Variants in DGCR2 observed in about 807,000 individuals in gnomAD.
DGCR2 encodes integral membrane protein DGCR2/IDD.
A neutral mutation model predicts 51.6 loss-of-function variants in DGCR2; 24 were observed. The observed-to-expected ratio is 0.47, with a 90% CI of 0.34 to 0.65. The LOEUF (loss-of-function observed/expected upper bound fraction) is 0.65, where lower values mean the gene tolerates loss of function less well. Among genes scored for constraint, DGCR2 ranks in the 30% least tolerant of loss-of-function variants. The pLI, the probability that DGCR2 is intolerant of heterozygous loss-of-function variation, is 0.01. For missense variants in DGCR2, 765 were observed against 772.1 expected (o/e 0.99, Z 0.11); for synonymous variants, 340 against 315.4 (o/e 1.08, Z -0.82).
At chr22:19,074,180 C>CT (rs2082848058) in intron 2 of DGCR2, among the ~76,000 whole-genome samples, 1 of 152,074 alleles carries the variant, frequency 6.6e-6, no homozygotes, top group South Asian at 2.1e-4. Context: ...AATCCCAGAA[C>CT]TTTGGGAGAC....
intron 2 of DGCR2, among the ~76,000 whole-genome samples, chr22:19,070,944 G>A (rs2082807526): frequency 1.3e-5 from 2 of 152,228 alleles, no homozygotes; most frequent in African/African-American, 2.4e-5. Context: ...GGAGAGTCTG[G>A]GGGCCAGGCT....
rs55948025 is a variant in DGCR2 at position 19,114,062 on chromosome 22, GAAAAAAAAAA to G, written c.79+8056_79+8065del. On this transcript the variant is annotated intron_variant, in intron 1 of 9. Transcript: ENST00000263196. ...CAACAAAAGCAAGATTCCATTTGAG[GAAAAAAAAAA>G]AAAAAAAAAAAAAGAACGAGTTAAG... is the stretch of plus-strand genomic sequence containing the variant. Among the ~76,000 whole-genome samples the G allele has an allele frequency of 7.4e-5, 6 of 80,992 alleles. No individual in the cohort carries two copies. The East Asian group carries it at 1.1e-3, about 15-fold the overall frequency. 53.1% of individuals were successfully genotyped at this position (80,992 alleles called of 152,430 possible).
At chr22:19,056,322 A>G (rs1669839102) in intron 6 of DGCR2, 1 of 224,428 alleles carries the variant, frequency 4.5e-6, no homozygotes, top group Admixed American at 5.9e-5. Context: ...CCCAAAAAAA[A>G]AAAGAAAAAG....
intron 2 of DGCR2, among the ~76,000 whole-genome samples, chr22:19,083,706 C>CCCCTCTCCCTCTCCCTCTCCCCACGGTCT (rs1555907887): frequency 9.4e-6 from 1 of 106,616 alleles, no homozygotes; most frequent in East Asian, 2.8e-4. Context: ...CCTCCCCCTC[C>CCCCTCTCCCTCTCCCTCTCCCCACGGTCT]CCCTCTCCCT....
At chr22:19,072,482 A>C (rs1329555748) in intron 2 of DGCR2, among the ~76,000 whole-genome samples, 1 of 152,154 alleles carries the variant, frequency 6.6e-6, no homozygotes, top group African/African-American at 2.4e-5. Flanking sequence ...CAGAAGAAAC[A>C]AGTACAGAGA....
chr22:19,052,411 G>GTC (rs1390505911), intron 6 of DGCR2, among the ~76,000 whole-genome samples: 1 of 111,242 alleles, frequency 9.0e-6, no homozygotes, highest in Non-Finnish European at 1.8e-5. Flanking sequence ...GAAAGACTCT[G>GTC]TCTCACACAC....
rs200929962 is a variant in DGCR2 at position 19,063,227 on chromosome 22, T to A, written c.600A>T (p.Glu200Asp). ...YVITGRNRSL[E>D]GRWEVAFKGS... ...CTTTGAATGCCACCTCCCAGCGACCTTCCAAGGAGCGGTTCCGGCCAGTGA... is the reference window on the plus strand; with the variant it reads ...CTTTGAATGCCACCTCCCAGCGACCATCCAAGGAGCGGTTCCGGCCAGTGA... Residue 200 changes from glutamate to aspartate, a missense_variant, in exon 5 of 10, where the codon GAA becomes GAT. Glu to Asp is a conservative substitution (Grantham distance 45). This residue lies in a region of DGCR2 where 370 missense variants were observed against 325.5 expected (regional missense o/e 1.14). Transcript: ENST00000263196. 53 of 1,614,066 alleles carry A rather than the reference T, an allele frequency of 3.3e-5. 1 individual carries two copies. The highest frequency in any genetic ancestry group is 4.4e-5 in the Non-Finnish European group (52 of 1,180,038).
At chr22:19,099,814 C>CA (rs751981214) in intron 1 of DGCR2, among the ~76,000 whole-genome samples, 15 of 151,392 alleles carry the variant, frequency 9.9e-5, no homozygotes, top group Admixed American at 7.9e-4. Context: ...ACTAAAAATA[C>CA]AAAAAAATTA....
At chr22:19,080,477 C>T (rs1218070376) in intron 2 of DGCR2, among the ~76,000 whole-genome samples, 1 of 152,148 alleles carries the variant, frequency 6.6e-6, no homozygotes, top group Admixed American at 6.5e-5. Context: ...TTTACACCTG[C>T]TGCACATCTT....
chr22:19,063,114 C>G, intron 5 of DGCR2, 88 bp downstream of exon 5: 2 of 1,288,076 alleles, frequency 1.6e-6, no homozygotes, highest in Non-Finnish European at 2.2e-6. Flanking sequence ...ACGGGCCAGG[C>G]AGCACTGGGT....
At chr22:19,042,042 A>T (rs1420745321) in intron 7 of DGCR2, 83 bp from the exon 8 acceptor site, 16 of 1,498,498 alleles carry the variant, frequency 1.1e-5, no homozygotes, top group Non-Finnish European at 1.4e-5. Flanking sequence ...CCTCCTGCCC[A>T]GGCGGGCTGT....
chr22:19,065,011 A>G lies in DGCR2; in HGVS notation c.385T>C (p.Tyr129His). Residue 129 changes from tyrosine to histidine, a missense_variant, in exon 4 of 10, where the codon TAC becomes CAC. Physicochemically the swap from Tyr to His is moderately conservative, Grantham distance 83. Coordinates refer to ENST00000263196, the MANE Select transcript of DGCR2 (RefSeq NM_005137.3). ...TTCTCCCCGCTCAGGTAGACCCGGT[A>G]GCAGCTGGCCGTGCCTTCGTAGTGG... The part of the protein sequence containing the change: ...WHHYEGTASC[Y>H]RVYLSGENYW... 1.9e-6 allele frequency: 3 copies of G among 1,614,098 alleles called. No homozygotes were observed. Among genetic ancestry groups the G allele is most frequent in the Non-Finnish European group, 2.5e-6 (3 of 1,180,040 alleles).
intron 7 of DGCR2, chr22:19,047,409 A>G (rs1429548005): frequency 6.6e-6 from 1 of 152,210 alleles, no homozygotes; most frequent in East Asian, 1.9e-4. Context: ...CAGGGCCCCT[A>G]GAGACAGAGA....
intron 2 of DGCR2, among the ~76,000 whole-genome samples, chr22:19,080,636 G>A (rs894537438): frequency 2.0e-5 from 3 of 152,264 alleles, no homozygotes; most frequent in African/African-American, 7.2e-5. Context: ...CGGAGTTCAA[G>A]ACCAGCCTCA....
intron 2 of DGCR2, among the ~76,000 whole-genome samples, chr22:19,081,264 C>T (rs1238944189): frequency 6.6e-6 from 1 of 152,182 alleles, no homozygotes; most frequent in African/African-American, 2.4e-5. Flanking sequence ...TTTGCTTCTC[C>T]CAGTCTTATA....
chr22:19,111,659 C>T (rs1279089229), intron 1 of DGCR2, among the ~76,000 whole-genome samples: 1 of 152,110 alleles, frequency 6.6e-6, no homozygotes, highest in Non-Finnish European at 1.5e-5. Context: ...TCAGCCCCTG[C>T]TTCAGACAGC....
intron 1 of DGCR2, among the ~76,000 whole-genome samples, chr22:19,090,720 T>C (rs2083068807): frequency 6.6e-6 from 1 of 151,890 alleles, no homozygotes; most frequent in African/African-American, 2.4e-5. Context: ...AGGTAGTCTA[T>C]GATAAGTTAA....
chr22:19,084,561 C>T lies in DGCR2; in HGVS notation c.202+4807G>A, dbSNP rs545394870. ...CTGAGAAGTGAGGAGCCCCTCCGCCCGGCAGCCACCCCGTCTGAGAAGTGA... is the reference window on the plus strand; with the variant it reads ...CTGAGAAGTGAGGAGCCCCTCCGCCTGGCAGCCACCCCGTCTGAGAAGTGA... On this transcript the variant is annotated intron_variant, in intron 2 of 9. Transcript: ENST00000263196. Among the ~76,000 whole-genome samples the T allele has an allele frequency of 1.2e-3, 168 of 136,300 alleles. 1 individual carries two copies. The highest frequency in any genetic ancestry group is 2.1e-3 in the Non-Finnish European group (131 of 63,742). The allele number at this position is 136,300 out of a possible 152,430, so 89.4% of individuals were successfully genotyped here. A position where few individuals can be genotyped will look rare whatever the true frequency, so the allele number is the denominator to read the frequency against.
chr22:19,063,318 G>C, intron 4 of DGCR2, 40 bp from the exon 5 acceptor site: 1 of 1,581,354 alleles, frequency 6.3e-7, no homozygotes, highest in Non-Finnish European at 8.7e-7. Flanking sequence ...CTCAGCGGCA[G>C]GAGGGATGCA....
Sources: gnomAD v4.1 joint callset for allele counts (sites outside exome capture counted in the v4.1 genomes callset) on GRCh38, gnomAD v4.1.1 for gene constraint, gnomAD v4.1.1 regional missense constraint, MANE v1.5 for transcripts, NCBI Gene and HGNC (gene_info 2026-07-23, HGNC 2026-07-21) for gene names.